The following PPIE variants were observed in gnomAD, a reference collection of about 807,000 sequenced individuals.
PPIE encodes the protein peptidylprolyl isomerase E, also known as peptidyl-prolyl cis-trans isomerase E.
Under a neutral mutation model 38.4 loss-of-function variants are expected in PPIE, and 20 were observed. The observed-to-expected ratio is 0.52, with a 90% CI of 0.37 to 0.76. The LOEUF (loss-of-function observed/expected upper bound fraction) is 0.76. Among genes scored for constraint, PPIE ranks in the 30% least tolerant of loss-of-function variants. The probability of loss-of-function intolerance (pLI) is 0.00; values close to 1 mark genes in which losing one functional copy is unlikely to be tolerated. For synonymous variants in PPIE, 142 were observed against 135.7 expected (o/e 1.05, Z -0.32); for missense variants, 322 against 385.8 (o/e 0.83, Z 1.39).
At chr1:39,747,455 C>CTTTTTTTTTTTTTTT in intron 7 of PPIE, 1 of 72,960 alleles carries the variant, frequency 1.4e-5, no homozygotes, top group Non-Finnish European at 2.5e-5. Flanking sequence ...CACATCTTCT[C>CTTTTTTTTTTTTTTT]TTTTTTTTTT....
chr1:39,761,559 G>C (rs549018873), downstream of PPIE, among the ~76,000 whole-genome samples: 21 of 152,036 alleles, frequency 1.4e-4, no homozygotes, highest in African/African-American at 4.8e-4. Flanking sequence ...CCTTCATTCA[G>C]ACCCCCAGGC....
chr1:39,749,503 C>A (rs1400314926), intron 8 of PPIE, among the ~76,000 whole-genome samples: 1 of 152,086 alleles, frequency 6.6e-6, no homozygotes, highest in Non-Finnish European at 1.5e-5. Context: ...GGACCCTTGC[C>A]AACCTGACCA....
chr1:39,752,460 T>C (rs1327479622), intron 8 of PPIE, among the ~76,000 whole-genome samples: 4 of 152,134 alleles, frequency 2.6e-5, no homozygotes, highest in African/African-American at 4.8e-5. Context: ...CACACACACA[T>C]ACATACATGT....
Position 39,755,497 on chromosome 1 carries a change from C to T in PPIE, c.*2142C>T. On this transcript the variant is annotated 3_prime_UTR_variant, in exon 10 of 10. Coordinates refer to ENST00000324379, the MANE Select transcript of PPIE (RefSeq NM_006112.4). ...CCAAAAGAGACCCTCCCTCAAAGCACAGCCCCTTCTCTGAGTGCAAATAAT... is the reference window on the plus strand; with the variant it reads ...CCAAAAGAGACCCTCCCTCAAAGCATAGCCCCTTCTCTGAGTGCAAATAAT... 1.0e-6 allele frequency: 1 copy of T among 985,446 alleles called. No homozygotes were observed. 61.0% of individuals were successfully genotyped at this position (985,446 alleles called of 1,614,324 possible).
chr1:39,753,041 C>T lies in PPIE; in HGVS notation c.826C>T (p.Arg276Trp), dbSNP rs142456461. ...GGTCACCGAAGGCCTAGATGTCTTG[C>T]GGCAAATTGAGGTATGTGGCCAGGA... is the stretch of plus-strand genomic sequence containing the variant. Reference protein sequence around the residue: ...GEVTEGLDVLRQIEAQGSKDG... With the variant: ...GEVTEGLDVLWQIEAQGSKDG... Residue 276 changes from arginine (R) to tryptophan (W), a missense_variant, in exon 9 of 10, where the codon CGG (arginine) becomes TGG (tryptophan). Arg to Trp is a moderately radical substitution (Grantham distance 101). Coordinates refer to ENST00000324379, the MANE Select transcript of PPIE (RefSeq NM_006112.4). 89 of 1,614,034 alleles carry T rather than the reference C, an allele frequency of 5.5e-5. 1 individual carries two copies. The highest frequency in any genetic ancestry group is 1.6e-4 in the Middle Eastern group (1 of 6,082).
chr1:39,749,518 T>A (rs1197833571), intron 8 of PPIE, among the ~76,000 whole-genome samples: 1 of 152,086 alleles, frequency 6.6e-6, no homozygotes, highest in Non-Finnish European at 1.5e-5. Context: ...TGACCAGATT[T>A]CCCTACTTGA....
intron 7 of PPIE, chr1:39,748,486 C>T (rs1411707654): frequency 1.1e-5 from 2 of 185,536 alleles, no homozygotes; most frequent in Non-Finnish European, 2.3e-5. Context: ...ACCTGTAATC[C>T]CAGCACTTTG....
chr1:39,741,908 C>T lies in PPIE; in HGVS notation c.188C>T (p.Ala63Val), dbSNP rs759431590. 6.2e-7 allele frequency: 1 copy of T among 1,614,222 alleles called. No homozygotes were observed. The highest frequency in any genetic ancestry group is 8.5e-7 in the Non-Finnish European group (1 of 1,180,038). Residue 63 changes from alanine (A) to valine (V), a missense_variant, in exon 4 of 10, where the codon GCT becomes GTT. Transcript: ENST00000324379. ...TTTCCTTGGCAGGATGCTGCAGCAG[C>T]TATCGACAACATGGTATGGCTGGGA... ...EFELAEDAAA[A>V]IDNMNESELF...
Position 39,752,908 on chromosome 1 carries a change from A to G in PPIE, c.695-2A>G, listed in dbSNP as rs1235591924. 1 of 1,611,926 alleles carries G rather than the reference A, an allele frequency of 6.2e-7. No individual in the cohort carries two copies. The highest frequency in any genetic ancestry group is 8.5e-7 in the Non-Finnish European group (1 of 1,179,338). On this transcript the variant is annotated splice_acceptor_variant, in intron 8 of 9. Transcript: ENST00000324379. LOFTEE classifies it high-confidence loss of function. ...GGAGCTGATGGTTGTTCTCTCCCTC[A>G]GGTCTACTATCCATGGCCAACTCTG... is the stretch of plus-strand genomic sequence containing the variant.
rs142462588 is a variant in PPIE at position 39,754,631 on chromosome 1, G to A, written c.*1276G>A. ...ATTCCACCACTATTGGGAGGCTGAG[G>A]CAGGAGGATCACTTGAGCCCAGGAG... On this transcript the variant is annotated 3_prime_UTR_variant, in exon 10 of 10. Transcript: ENST00000324379. 0.021 allele frequency among the ~76,000 whole-genome samples: 3,189 copies of A among 152,256 alleles called. 48 individuals carry two copies. The highest frequency in any genetic ancestry group is 0.037 in the Non-Finnish European group (2,488 of 68,016).
At chr1:39,749,176 C>T in intron 8 of PPIE, 88 bp downstream of exon 8, 1 of 1,373,390 alleles carries the variant, frequency 7.3e-7, no homozygotes, top group Non-Finnish European at 1.0e-6. Context: ...GTAGTTCTGG[C>T]TGGCGGACAC....
intron 4 of PPIE, chr1:39,742,492 T>TTC (rs1281999566): frequency 9.6e-6 from 1 of 104,514 alleles, no homozygotes; most frequent in Non-Finnish European, 2.1e-5. Context: ...CTTTCTTTCT[T>TTC]TTTTTTTTTT....
intron 8 of PPIE, among the ~76,000 whole-genome samples, chr1:39,750,847 C>T (rs1647647991): frequency 6.6e-6 from 1 of 152,174 alleles, no homozygotes; most frequent in African/African-American, 2.4e-5. Flanking sequence ...GTTTGTAGGG[C>T]CCCTCTTTAC....
chr1:39,743,422 T>C, intron 5 of PPIE, 125 bp downstream of exon 5: 1 of 800,876 alleles, frequency 1.2e-6, no homozygotes, highest in Non-Finnish European at 2.1e-6. Flanking sequence ...GAGTAGATGA[T>C]GGTTCACATT....
At chr1:39,744,269 A>G (rs1647137347) in intron 6 of PPIE, among the ~76,000 whole-genome samples, 1 of 152,200 alleles carries the variant, frequency 6.6e-6, no homozygotes, top group African/African-American at 2.4e-5. Context: ...TTCACTGAAG[A>G]GTTTGCCACA....
At chr1:39,746,149 A>G (rs2124325784) in intron 7 of PPIE, 1 of 152,364 alleles carries the variant, frequency 6.6e-6, no homozygotes, top group Non-Finnish European at 1.5e-5. Context: ...ACTTCAGAGA[A>G]CAAAGAATTA....
chr1:39,761,927 A>C (rs1649044098), intron 9 of PPIE, among the ~76,000 whole-genome samples: 1 of 152,182 alleles, frequency 6.6e-6, no homozygotes, highest in Non-Finnish European at 1.5e-5. Flanking sequence ...TGCTCACTTT[A>C]GTTGAGCCCC....
At position 39,755,056 on chromosome 1, in the gene PPIE, A is replaced by G. The variant is rs1648121581; in HGVS notation, c.*1701A>G. On this transcript the variant is annotated 3_prime_UTR_variant, in exon 10 of 10. Coordinates refer to ENST00000324379, the MANE Select transcript of PPIE (RefSeq NM_006112.4). The stretch of plus-strand genomic sequence containing the variant: ...TGGTCCCACCCCCTGCTGAGCTCAC[A>G]GTCTGGCTCTCCTGTGTGCAGCCAC... 1.0e-6 allele frequency: 1 copy of G among 985,330 alleles called. No individual in the cohort carries two copies. The highest frequency in any genetic ancestry group is 1.2e-6 in the Non-Finnish European group (1 of 829,938). The allele number at this position is 985,330 out of a possible 1,614,324, so 61.0% of individuals were successfully genotyped here. A position where few individuals can be genotyped will look rare whatever the true frequency, so the allele number is the denominator to read the frequency against.
chr1:39,762,455 CAG>C (rs1649122998), intron 9 of PPIE: 2 of 1,492,230 alleles, frequency 1.3e-6, no homozygotes, highest in Non-Finnish European at 1.8e-6. Flanking sequence ...CACAAACACA[CAG>C]AGCACTCAAC....
Sources: gnomAD v4.1 joint callset for allele counts (sites outside exome capture counted in the v4.1 genomes callset) on GRCh38, gnomAD v4.1.1 for gene constraint, MANE v1.5 for transcripts, NCBI Gene and HGNC (gene_info 2026-07-23, HGNC 2026-07-21) for gene names.